The following TMEM182 variants were observed in gnomAD, a reference collection of about 807,000 sequenced individuals.
The protein encoded by TMEM182 is transmembrane protein 182.
A neutral mutation model predicts 26.8 loss-of-function variants in TMEM182; 20 were observed. That is an observed-to-expected ratio of 0.75 (90% confidence interval 0.53 to 1.09). TMEM182 has a LOEUF of 1.09. Ranked by LOEUF, TMEM182 falls within the 50% of genes least tolerant of loss-of-function variation. The pLI is 0.00. For missense variants in TMEM182, 277 were observed against 275.5 expected (o/e 1.01, Z -0.04); for synonymous variants, 109 against 102.2 (o/e 1.07, Z -0.40).
At chr2:102,839,667 T>C (rs1372138825) in intron 3 of TMEM182, among the ~76,000 whole-genome samples, 1 of 152,000 alleles carries the variant, frequency 6.6e-6, no homozygotes, top group African/African-American at 2.4e-5. Context: ...TAGGTAAAAA[T>C]TGAAATACCA....
At chr2:102,822,111 T>G (rs753262566), downstream of TMEM182, among the ~76,000 whole-genome samples, 19 of 152,226 alleles carry the variant, frequency 1.2e-4, no homozygotes, top group Non-Finnish European at 2.5e-4. Flanking sequence ...CCCCAAAATA[T>G]GTGCAACTAT....
intron 3 of TMEM182, among the ~76,000 whole-genome samples, chr2:102,823,622 C>A (rs1682970364): frequency 6.6e-6 from 1 of 152,178 alleles, no homozygotes; most frequent in Admixed American, 6.5e-5. Flanking sequence ...CGTGAGCCAC[C>A]ATGCCCAGCC....
chr2:102,760,291 T>C (rs1680167788), upstream of TMEM182, among the ~76,000 whole-genome samples: 1 of 152,086 alleles, frequency 6.6e-6, no homozygotes, highest in Non-Finnish European at 1.5e-5. Flanking sequence ...GATGGCTATC[T>C]TTAAAATATC....
downstream of TMEM182, among the ~76,000 whole-genome samples, chr2:102,817,921 T>C (rs950535862): frequency 3.9e-5 from 6 of 152,226 alleles, no homozygotes; most frequent in Admixed American, 1.3e-4. Flanking sequence ...ACTGTTTCAC[T>C]CAATGGATGG....
intron 3 of TMEM182, among the ~76,000 whole-genome samples, chr2:102,824,523 C>G (rs968100009): frequency 6.6e-6 from 1 of 152,082 alleles, no homozygotes; most frequent in Non-Finnish European, 1.5e-5. Flanking sequence ...TCTGCTCTGG[C>G]CATGTAAGAT....
At position 102,834,390 on chromosome 2, in the gene TMEM182, G is replaced by A. The variant is rs1436382946; in HGVS notation, c.326-9022G>A. 1.4e-5 allele frequency: 14 copies of A among 984,994 alleles called. No homozygotes were observed. In the East Asian group the frequency reaches 1.3e-3, roughly 88 times the overall value. The allele number at this position is 984,994 out of a possible 1,614,324, so 61.0% of individuals were successfully genotyped here. ...TTTTTTCCTTCTGATCTTCTCTTGGGATCCTCTGCTGTAAACAGAAATCTA... is the reference window on the plus strand; with the variant it reads ...TTTTTTCCTTCTGATCTTCTCTTGGAATCCTCTGCTGTAAACAGAAATCTA... On this transcript the variant is annotated intron_variant, in intron 3 of 3. Transcript: ENST00000486293.
At chr2:102,803,671 T>C (rs577479761) in intron 4 of TMEM182, among the ~76,000 whole-genome samples, 1 of 152,342 alleles carries the variant, frequency 6.6e-6, no homozygotes, top group East Asian at 1.9e-4. Flanking sequence ...GCAACATAGT[T>C]CAGGTGCTCA....
intron 3 of TMEM182, among the ~76,000 whole-genome samples, chr2:102,826,137 C>T (rs901603173): frequency 6.6e-6 from 1 of 152,038 alleles, no homozygotes; most frequent in African/African-American, 2.4e-5. Flanking sequence ...CTCATGGTGC[C>T]ATGACTCACA....
chr2:102,748,135 C>T (rs1178948183), intron 1 of TMEM182, among the ~76,000 whole-genome samples: 2 of 152,194 alleles, frequency 1.3e-5, no homozygotes, highest in Non-Finnish European at 2.9e-5. Context: ...TCTTGAAATC[C>T]TTGGATTGGG....
chr2:102,743,401 G>A (rs538948015), intron 1 of TMEM182, among the ~76,000 whole-genome samples: 2 of 152,180 alleles, frequency 1.3e-5, no homozygotes, highest in African/African-American at 2.4e-5. Context: ...GGGAGGCAGA[G>A]GTGGGAGGAT....
At chr2:102,799,386 A>G (rs1204480960) in intron 4 of TMEM182, among the ~76,000 whole-genome samples, 2 of 152,258 alleles carry the variant, frequency 1.3e-5, no homozygotes, top group African/African-American at 4.8e-5. Context: ...TGTATTTTGT[A>G]GGGGCCAAGA....
chr2:102,758,813 C>T (rs192812636), upstream of TMEM182, among the ~76,000 whole-genome samples: 7 of 152,150 alleles, frequency 4.6e-5, no homozygotes, highest in East Asian at 7.7e-4. Context: ...TTCTATTTTT[C>T]TCAATAGATG....
At chr2:102,780,813 G>A (rs144017526) in intron 3 of TMEM182, among the ~76,000 whole-genome samples, 1 of 152,262 alleles carries the variant, frequency 6.6e-6, no homozygotes, top group Non-Finnish European at 1.5e-5. Flanking sequence ...GCAGTATTTT[G>A]TAGTGTTTGG....
At chr2:102,810,342 A>C (rs1408443610) in intron 4 of TMEM182, among the ~76,000 whole-genome samples, 2 of 152,132 alleles carry the variant, frequency 1.3e-5, no homozygotes, top group African/African-American at 4.8e-5. Flanking sequence ...AACAGTGAGG[A>C]TATACAATTT....
intron 3 of TMEM182, among the ~76,000 whole-genome samples, chr2:102,774,707 A>C (rs1315867399): frequency 6.6e-6 from 1 of 152,180 alleles, no homozygotes; most frequent in Non-Finnish European, 1.5e-5. Context: ...TTTGTTAAAA[A>C]GACTGTCCTT....
At chr2:102,843,087 C>A (rs575076547) in intron 3 of TMEM182, among the ~76,000 whole-genome samples, 1 of 152,158 alleles carries the variant, frequency 6.6e-6, no homozygotes, top group South Asian at 2.1e-4. Context: ...AACAGCAGGC[C>A]GTGCTAAGGT....
chr2:102,840,584 C>T (rs989413335), intron 3 of TMEM182, among the ~76,000 whole-genome samples: 2 of 151,846 alleles, frequency 1.3e-5, no homozygotes, highest in Non-Finnish European at 2.9e-5. Context: ...ATAGAGGACG[C>T]AATAAAGAGC....
intron 3 of TMEM182, among the ~76,000 whole-genome samples, chr2:102,793,868 A>G (rs1161054459): frequency 6.6e-6 from 1 of 152,164 alleles, no homozygotes; most frequent in African/African-American, 2.4e-5. Flanking sequence ...TGCTGAACAC[A>G]AGACCCCCTG....
intron 3 of TMEM182, among the ~76,000 whole-genome samples, chr2:102,822,920 A>T (rs1294879246): frequency 2.6e-5 from 4 of 152,136 alleles, no homozygotes; most frequent in Non-Finnish European, 5.9e-5. Context: ...AAGAAAGAAG[A>T]AGAACCAACC....
Sources: gnomAD v4.1 joint callset for allele counts (sites outside exome capture counted in the v4.1 genomes callset) on GRCh38, gnomAD v4.1.1 for gene constraint, MANE v1.5 for transcripts, NCBI Gene and HGNC (gene_info 2026-07-23, HGNC 2026-07-21) for gene names.